The following NEDD4 variants were observed in gnomAD, a reference collection of about 807,000 sequenced individuals.
NEDD4 encodes the protein NEDD4 E3 ubiquitin protein ligase.
In NEDD4, 99 loss-of-function variants were observed where a neutral mutation model predicts 144.9. The ratio of observed to expected loss-of-function variants is 0.68; its 90% confidence interval spans 0.58 to 0.81. The LOEUF (loss-of-function observed/expected upper bound fraction) is 0.81. NEDD4 is among the 30% of genes least tolerant of loss of function. The pLI is 0.00. For missense variants in NEDD4, 985 were observed against 1,065.9 expected (o/e 0.92, Z 1.06); for synonymous variants, 318 against 350.6 (o/e 0.91, Z 1.04).
intron 2 of NEDD4, among the ~76,000 whole-genome samples, chr15:55,961,839 C>T (rs1191040198): frequency 6.6e-6 from 1 of 152,044 alleles, no homozygotes; most frequent in Non-Finnish European, 1.5e-5. Flanking sequence ...AGTGAATGTA[C>T]CATGTACACT....
intron 5 of NEDD4, among the ~76,000 whole-genome samples, chr15:55,917,643 A>G (rs995204626): frequency 6.6e-6 from 1 of 152,146 alleles, no homozygotes; most frequent in Non-Finnish European, 1.5e-5. Flanking sequence ...TAGTAATACC[A>G]TTGCAAAACT....
intron 4 of NEDD4, among the ~76,000 whole-genome samples, chr15:55,928,843 G>C (rs1047616277): frequency 6.6e-6 from 1 of 152,066 alleles, no homozygotes; most frequent in Non-Finnish European, 1.5e-5. Flanking sequence ...TATTCATGTT[G>C]CTTTTTGTAT....
intron 14 of NEDD4, among the ~76,000 whole-genome samples, chr15:55,850,216 T>C (rs1435764248): frequency 6.6e-6 from 1 of 152,154 alleles, no homozygotes; most frequent in African/African-American, 2.4e-5. Context: ...AAATGAGATA[T>C]GGATTCAAAA....
At chr15:55,976,408 C>T (rs538246534) in intron 1 of NEDD4, among the ~76,000 whole-genome samples, 1 of 152,036 alleles carries the variant, frequency 6.6e-6, no homozygotes, top group Admixed American at 6.6e-5. Flanking sequence ...TTAAAATGGG[C>T]AAAAGATCTG....
chr15:55,909,798 C>T (rs950923286), intron 5 of NEDD4, among the ~76,000 whole-genome samples: 3 of 152,174 alleles, frequency 2.0e-5, no homozygotes, highest in African/African-American at 7.2e-5. Flanking sequence ...ACAGAATTGC[C>T]TATTATCCAA....
At chr15:55,978,513 A>C (rs2037742839) in intron 1 of NEDD4, among the ~76,000 whole-genome samples, 2 of 152,242 alleles carry the variant, frequency 1.3e-5, no homozygotes. Context: ...GCAACTATAG[A>C]AAAATCTCTT....
intron 5 of NEDD4, among the ~76,000 whole-genome samples, chr15:55,904,599 G>A (rs974171105): frequency 4.6e-5 from 7 of 151,990 alleles, no homozygotes; most frequent in South Asian, 4.2e-4. Flanking sequence ...CACCACACCC[G>A]GCGTATTTCC....
intron 1 of NEDD4, among the ~76,000 whole-genome samples, chr15:55,986,579 GCTTTTT>G: frequency 8.5e-6 from 1 of 117,300 alleles, no homozygotes; most frequent in East Asian, 2.9e-4. Context: ...GCCTGTCCTT[GCTTTTT>G]TTTTTTTTTT....
intron 18 of NEDD4, among the ~76,000 whole-genome samples, chr15:55,843,345 C>T (rs1290603377): frequency 2.0e-5 from 3 of 152,190 alleles, no homozygotes; most frequent in Admixed American, 6.5e-5. Flanking sequence ...CTTCATTTTA[C>T]ACATAAAACT....
intron 24 of NEDD4, 149 bp from the exon 25 acceptor site, chr15:55,834,435 G>A: frequency 1.6e-6 from 1 of 613,816 alleles, no homozygotes; most frequent in Non-Finnish European, 2.9e-6. Context: ...TCTCAATATT[G>A]GCCAGAAAAT....
intron 4 of NEDD4, among the ~76,000 whole-genome samples, chr15:55,932,294 C>G (rs1349220338): frequency 1.3e-5 from 2 of 152,158 alleles, no homozygotes; most frequent in African/African-American, 4.8e-5. Flanking sequence ...GTAACCAAAA[C>G]AGCATGGTAC....
chr15:55,951,096 C>T (rs1351583606), intron 4 of NEDD4, among the ~76,000 whole-genome samples: 2 of 152,142 alleles, frequency 1.3e-5, no homozygotes, highest in Admixed American at 1.3e-4. Flanking sequence ...TAATTTGCAT[C>T]ATCTTTATGA....
chr15:55,834,367 G>A (rs1006722622), intron 24 of NEDD4, 81 bp from the exon 25 acceptor site: 2 of 812,386 alleles, frequency 2.5e-6, no homozygotes, highest in Non-Finnish European at 4.0e-6. Flanking sequence ...TGCTACTGGA[G>A]GAATCCCACA....
intron 4 of NEDD4, among the ~76,000 whole-genome samples, 166 bp from the exon 5 acceptor site, chr15:55,924,865 C>G (rs1184259377): frequency 6.6e-6 from 1 of 152,016 alleles, no homozygotes; most frequent in Admixed American, 6.6e-5. Context: ...GTCAGGAGTT[C>G]GAGACGAGCC....
At chr15:55,911,622 C>T (rs1417433175) in intron 5 of NEDD4, among the ~76,000 whole-genome samples, 13 of 152,046 alleles carry the variant, frequency 8.6e-5, no homozygotes, top group African/African-American at 2.9e-4. Context: ...CTCTGCCTCC[C>T]GGGTCCACGC....
chr15:55,979,363 T>TG lies in NEDD4; in HGVS notation c.46-12818_46-12817insC, dbSNP rs1555409620. 1.2e-3 allele frequency among the ~76,000 whole-genome samples: 135 copies of TG among 109,912 alleles called. No homozygotes were observed. In the Middle Eastern group the frequency reaches 0.015, roughly 12 times the overall value. 72.1% of individuals were successfully genotyped at this position (109,912 alleles called of 152,430 possible). On this transcript the variant is annotated intron_variant, in intron 1 of 28. Coordinates refer to ENST00000435532, the MANE Select transcript of NEDD4 (RefSeq NM_006154.4). ...TCTTTTTTTTTTTTTTTTTTTTTTTTTGAGACGGAGTCTCGCTCTGTCGCC... is the reference window on the plus strand; with the variant it reads ...TCTTTTTTTTTTTTTTTTTTTTTTTTGTGAGACGGAGTCTCGCTCTGTCGCC...
intron 24 of NEDD4, among the ~76,000 whole-genome samples, chr15:55,836,816 C>T (rs923608881): frequency 6.6e-6 from 1 of 152,032 alleles, no homozygotes; most frequent in African/African-American, 2.4e-5. Context: ...GAATGAGCCA[C>T]CGCGCCCAAA....
intron 4 of NEDD4, among the ~76,000 whole-genome samples, chr15:55,937,922 C>T (rs2036923766): frequency 6.6e-6 from 1 of 152,126 alleles, no homozygotes; most frequent in Admixed American, 6.6e-5. Context: ...TATCACAAAG[C>T]TACAGTAATT....
intron 5 of NEDD4, chr15:55,917,025 T>G (rs754229717): frequency 1.4e-5 from 18 of 1,313,508 alleles, no homozygotes; most frequent in Non-Finnish European, 1.6e-5. Flanking sequence ...GACGACCCAT[T>G]CCAGAGACTG....
Sources: allele counts gnomAD v4.1 joint callset (sites outside exome capture counted in the v4.1 genomes callset), GRCh38; gene constraint gnomAD v4.1.1; transcripts MANE v1.5; gene names NCBI Gene and HGNC (gene_info 2026-07-23, HGNC 2026-07-21).